Variants in DPH6 observed in about 807,000 individuals in gnomAD.
DPH6 encodes diphthamine biosynthesis 6.
DPH6 carries 33 observed loss-of-function variants against 38.2 expected under a neutral mutation model. That is an observed-to-expected ratio of 0.86 (90% CI 0.65 to 1.15). DPH6 has a LOEUF of 1.15. Among genes scored for constraint, DPH6 ranks in the 50% most tolerant of loss-of-function variants. The pLI is 0.00. For missense variants in DPH6, 325 were observed against 320.0 expected, an observed-to-expected ratio of 1.02 and a Z score of -0.12; for synonymous variants, 108 against 103.0, an observed-to-expected ratio of 1.05 and a Z score of -0.30.
rs562912399 is a variant in DPH6, at chr15:35,305,149, A to T, written n.200+68372T>A. On this transcript the variant is annotated intron_variant and non_coding_transcript_variant, in intron 3 of 3. Coordinates refer to the DPH6 transcript ENST00000560386. ...GTTTGATAATGTCTGTTGAGTAAGT[A>T]AACTTGTTGTCTCAAGTCAGGTAGT... is the stretch of plus-strand genomic sequence containing the variant. Among the ~76,000 whole-genome samples the T allele has an allele frequency of 2.0e-5, 3 of 152,256 alleles. No homozygotes were observed. The South Asian group carries it at 6.2e-4, about 32-fold the overall frequency.
intron 3 of DPH6, among the ~76,000 whole-genome samples, chr15:35,508,300 A>G (rs777092157): frequency 1.3e-5 from 2 of 152,142 alleles, no homozygotes; most frequent in African/African-American, 2.4e-5. Flanking sequence ...TTTTTATCTT[A>G]AAGTTTTAAT....
At chr15:35,227,581 CT>C (rs1341473286) in intron 3 of DPH6, among the ~76,000 whole-genome samples, 1 of 151,544 alleles carries the variant, frequency 6.6e-6, no homozygotes, top group Non-Finnish European at 1.5e-5. Context: ...CAAAAACCAA[CT>C]TTTTGTTTTA....
the DPH6 span, among the ~76,000 whole-genome samples, chr15:35,190,996 C>T: frequency 5.3e-5 from 8 of 152,258 alleles, no homozygotes; most frequent in East Asian, 9.6e-4. Flanking sequence ...GCTTCTGAGG[C>T]CTTCCTATTT....
exon 4 of DPH6, chr15:35,219,615 T>A (rs1359067817): frequency 6.6e-6 from 1 of 152,178 alleles, no homozygotes; most frequent in African/African-American, 2.4e-5. Flanking sequence ...ATGAGAAATA[T>A]ACACCACTCA....
intron 3 of DPH6, among the ~76,000 whole-genome samples, chr15:35,488,017 C>CA (rs1413288105): frequency 2.0e-5 from 3 of 152,146 alleles, no homozygotes; most frequent in Non-Finnish European, 4.4e-5. Context: ...AGGGCAGGGG[C>CA]AAAATGCTGC....
chr15:35,160,145 C>A, the DPH6 span, among the ~76,000 whole-genome samples: 2 of 151,968 alleles, frequency 1.3e-5, no homozygotes, highest in Non-Finnish European at 2.9e-5. Context: ...ATGCAATATA[C>A]CTTTGCAGCA....
At chr15:35,370,189 A>G (rs1425285602), downstream of DPH6, among the ~76,000 whole-genome samples, 1 of 151,778 alleles carries the variant, frequency 6.6e-6, no homozygotes. Flanking sequence ...TCCTTTACAA[A>G]AATGAATTCA....
the DPH6 span, among the ~76,000 whole-genome samples, chr15:35,178,085 T>C: frequency 6.6e-6 from 1 of 152,252 alleles, no homozygotes; most frequent in African/African-American, 2.4e-5. Flanking sequence ...TTATCATTTC[T>C]TTGTGGCATA....
intron 3 of DPH6, among the ~76,000 whole-genome samples, chr15:35,303,787 T>C (rs1294562698): frequency 3.3e-5 from 5 of 151,784 alleles, no homozygotes; most frequent in East Asian, 3.9e-4. Flanking sequence ...TCATCTTTTT[T>C]CCCCTTTTTT....
chr15:35,180,442 C>CACACA, the DPH6 span, among the ~76,000 whole-genome samples: 1 of 139,252 alleles, frequency 7.2e-6, no homozygotes, highest in African/African-American at 2.7e-5. Context: ...CACACACACA[C>CACACA]ACTTGCCCAG....
chr15:35,523,271 T>G (rs1271906881), intron 3 of DPH6, among the ~76,000 whole-genome samples: 1 of 146,648 alleles, frequency 6.8e-6, no homozygotes, highest in Non-Finnish European at 1.5e-5. Context: ...GTCATTTGAA[T>G]GTACTTCTCT....
intron 3 of DPH6, among the ~76,000 whole-genome samples, chr15:35,296,402 A>G (rs542956226): frequency 6.6e-6 from 1 of 152,272 alleles, no homozygotes. Context: ...AAATTTTTAT[A>G]TCTCTTTCAG....
chr15:35,435,663 T>C (rs560524025), intron 5 of DPH6, among the ~76,000 whole-genome samples: 1 of 152,282 alleles, frequency 6.6e-6, no homozygotes, highest in Non-Finnish European at 1.5e-5. Context: ...CTCCTCACCC[T>C]TCCATGTGTC....
At chr15:35,163,036 ATG>A in the DPH6 span, among the ~76,000 whole-genome samples, 2 of 151,870 alleles carry the variant, frequency 1.3e-5, no homozygotes, top group Admixed American at 1.3e-4. Flanking sequence ...AGTGAGGAAA[ATG>A]GAGAAAACAA....
chr15:35,171,839 G>C, the DPH6 span, among the ~76,000 whole-genome samples: 1 of 150,444 alleles, frequency 6.6e-6, no homozygotes, highest in African/African-American at 2.4e-5. Flanking sequence ...CCTGAAAATA[G>C]TATTTTATAA....
At chr15:35,294,790 A>T (rs549021855) in intron 3 of DPH6, among the ~76,000 whole-genome samples, 1 of 152,236 alleles carries the variant, frequency 6.6e-6, no homozygotes, top group South Asian at 2.1e-4. Context: ...TGAGGTGCAA[A>T]GAGCTATAAG....
chr15:35,438,045 T>C (rs1433862802), intron 5 of DPH6, among the ~76,000 whole-genome samples: 1 of 152,184 alleles, frequency 6.6e-6, no homozygotes, highest in East Asian at 1.9e-4. Flanking sequence ...ATGGTTAAAG[T>C]TGGATAATAA....
the DPH6 span, chr15:35,169,488 T>C: frequency 3.3e-5 from 5 of 152,204 alleles, no homozygotes; most frequent in African/African-American, 1.2e-4. Context: ...TCAAAGTCAC[T>C]GATAGGCTTT....
intron 3 of DPH6, among the ~76,000 whole-genome samples, chr15:35,293,997 G>C (rs1183075381): frequency 6.6e-6 from 1 of 152,194 alleles, no homozygotes; most frequent in Non-Finnish European, 1.5e-5. Context: ...AGTAGGGAGA[G>C]AGCTTCACAT....
Sources: allele counts gnomAD v4.1 joint callset (sites outside exome capture counted in the v4.1 genomes callset), GRCh38; gene constraint gnomAD v4.1.1; transcripts MANE v1.5; gene names NCBI Gene and HGNC (gene_info 2026-07-23, HGNC 2026-07-21).